The following SPOCK1 variants were observed in gnomAD, a reference collection of about 807,000 sequenced individuals.
SPOCK1 encodes SPARC (osteonectin), cwcv and kazal like domains proteoglycan 1.
Under a neutral mutation model 55.3 loss-of-function variants are expected in SPOCK1, and 23 were observed. The observed-to-expected ratio is 0.42, with a 90% CI of 0.30 to 0.59. The LOEUF (loss-of-function observed/expected upper bound fraction) is 0.59, where lower values mean the gene tolerates loss of function less well. SPOCK1 is among the 20% of genes least tolerant of loss of function. The probability of loss-of-function intolerance (pLI) is 0.22; values close to 1 mark genes in which losing one functional copy is unlikely to be tolerated. For missense variants in SPOCK1, 499 were observed against 552.5 expected, an observed-to-expected ratio of 0.90 and a Z score of 0.97; for synonymous variants, 226 against 221.0, an observed-to-expected ratio of 1.02 and a Z score of -0.20.
intron 2 of SPOCK1, among the ~76,000 whole-genome samples, chr5:137,332,319 T>TGTTTGGTCTGGA (rs1758202139): frequency 6.6e-6 from 1 of 152,146 alleles, no homozygotes; most frequent in Non-Finnish European, 1.5e-5. Flanking sequence ...ACTCCAGCCC[T>TGTTTGGTCTGGA]GTTTGGTGCC....
chr5:136,980,043 AAGCT>A (rs1388159962), intron 9 of SPOCK1, among the ~76,000 whole-genome samples: 2 of 152,216 alleles, frequency 1.3e-5, no homozygotes, highest in African/African-American at 4.8e-5. Flanking sequence ...ATATGGTTCC[AAGCT>A]ATTCCTTGTC....
chr5:137,347,626 G>A (rs905212459), intron 2 of SPOCK1, among the ~76,000 whole-genome samples: 2 of 152,140 alleles, frequency 1.3e-5, no homozygotes, highest in African/African-American at 4.8e-5. Context: ...TGAGGCAAGA[G>A]GATCACTTAG....
chr5:137,160,586 A>ATAAT (rs1561631704), intron 3 of SPOCK1, among the ~76,000 whole-genome samples: 2 of 41,644 alleles, frequency 4.8e-5, no homozygotes, highest in Non-Finnish European at 8.7e-5. Flanking sequence ...TAATATATAT[A>ATAAT]ATATATAATA....
intron 2 of SPOCK1, among the ~76,000 whole-genome samples, chr5:137,472,036 T>C (rs2149839822): frequency 1.3e-5 from 2 of 152,256 alleles, no homozygotes; most frequent in Middle Eastern, 3.4e-3. Context: ...AGTCACAAAC[T>C]GTTCTTCCAG....
chr5:137,427,321 T>C (rs930409176), intron 2 of SPOCK1, among the ~76,000 whole-genome samples: 1 of 152,190 alleles, frequency 6.6e-6, no homozygotes, highest in Non-Finnish European at 1.5e-5. Context: ...TTGATACTTT[T>C]ATGCTTGGGC....
intron 6 of SPOCK1, among the ~76,000 whole-genome samples, chr5:137,033,238 C>A (rs1424782575): frequency 6.6e-6 from 1 of 152,176 alleles, no homozygotes; most frequent in Non-Finnish European, 1.5e-5. Flanking sequence ...CTGCAGCCTG[C>A]AGTGTGGGAA....
At chr5:137,422,166 C>T (rs761408854) in intron 2 of SPOCK1, among the ~76,000 whole-genome samples, 12 of 152,330 alleles carry the variant, frequency 7.9e-5, no homozygotes, top group Non-Finnish European at 1.5e-4. Context: ...CCGAGAGATA[C>T]GCTGTTAGTC....
At position 137,392,248 on chromosome 5, in the gene SPOCK1, G is replaced by A. The variant is rs532242368; in HGVS notation, c.186+106125C>T. 5.3e-5 allele frequency among the ~76,000 whole-genome samples: 8 copies of A among 152,106 alleles called. No individual in the cohort carries two copies. In the South Asian group the frequency reaches 1.2e-3, roughly 24 times the overall value. Reference sequence around the variant, plus strand: ...TATTTCCCAGATCCCCCAAGTCCACGGCTTTACCACTGCTTGCACCCACAG... The same window carrying A: ...TATTTCCCAGATCCCCCAAGTCCACAGCTTTACCACTGCTTGCACCCACAG... On this transcript the variant is annotated intron_variant, in intron 2 of 10. Transcript: ENST00000394945.
intron 6 of SPOCK1, among the ~76,000 whole-genome samples, chr5:137,050,891 G>A (rs992509490): frequency 4.6e-5 from 7 of 152,196 alleles, no homozygotes; most frequent in Non-Finnish European, 8.8e-5. Context: ...AAATACTCCC[G>A]TATTCTGAAA....
chr5:137,050,502 C>T lies in SPOCK1; in HGVS notation c.589+17213G>A, dbSNP rs572464673. ...CAATGCCTCGCCCTGCTTCGGCTCG[C>T]GCACGGTGCGCGCACCCACTGGCCT... On this transcript the variant is annotated intron_variant, in intron 6 of 10. Transcript: ENST00000394945. 7.2e-4 allele frequency among the ~76,000 whole-genome samples: 108 copies of T among 150,482 alleles called. 1 individual carries two copies. Among genetic ancestry groups the T allele is most frequent in the Admixed American group, 5.2e-3 (79 of 15,152 alleles).
intron 2 of SPOCK1, among the ~76,000 whole-genome samples, chr5:137,282,770 T>C (rs572472718): frequency 3.9e-5 from 6 of 152,312 alleles, no homozygotes; most frequent in African/African-American, 1.4e-4. Context: ...TGGTATCATC[T>C]ACTTTTGACT....
intron 2 of SPOCK1, among the ~76,000 whole-genome samples, chr5:137,421,393 G>C (rs961391803): frequency 6.6e-6 from 1 of 152,174 alleles, no homozygotes; most frequent in Non-Finnish European, 1.5e-5. Flanking sequence ...TGTTGACAGT[G>C]GGGTGTTAAA....
intron 3 of SPOCK1, among the ~76,000 whole-genome samples, chr5:137,178,608 G>A (rs1013878043): frequency 4.6e-5 from 7 of 152,168 alleles, no homozygotes; most frequent in East Asian, 3.9e-4. Context: ...CAGAGTCTGC[G>A]GGGGAAGAAG....
intron 3 of SPOCK1, among the ~76,000 whole-genome samples, chr5:137,241,967 T>C (rs369510993): frequency 5.2e-4 from 79 of 152,270 alleles, no homozygotes; most frequent in African/African-American, 1.5e-3. Flanking sequence ...ATGACATACA[T>C]ACAAAATTAT....
In SPOCK1 at chr5:137,311,619, T is replaced by G. The variant is rs554134678; in HGVS notation, c.187-44564A>C. Among the ~76,000 whole-genome samples the G allele has an allele frequency of 2.0e-5, 3 of 152,348 alleles. No individual in the cohort carries two copies. In the South Asian group the frequency reaches 6.2e-4, roughly 32 times the overall value. ...CTTCAGTCTAATCTTTACACACACA[T>G]AAGCACATGTGTACACTTTTATTGA... On this transcript the variant is annotated intron_variant, in intron 2 of 10. Coordinates refer to ENST00000394945, the MANE Select transcript of SPOCK1 (RefSeq NM_004598.4).
At chr5:137,031,085 A>C (rs1002910595) in intron 6 of SPOCK1, among the ~76,000 whole-genome samples, 2 of 152,196 alleles carry the variant, frequency 1.3e-5, no homozygotes, top group African/African-American at 2.4e-5. Context: ...ATTTTTTTAA[A>C]TAGCATTTAA....
At chr5:137,132,012 A>G (rs1208265619) in intron 4 of SPOCK1, among the ~76,000 whole-genome samples, 1 of 98,092 alleles carries the variant, frequency 1.0e-5, no homozygotes, top group Non-Finnish European at 2.0e-5. Context: ...ATATATATAT[A>G]TATATATAAA....
chr5:137,304,315 C>A (rs924105768), intron 2 of SPOCK1, among the ~76,000 whole-genome samples: 1 of 151,962 alleles, frequency 6.6e-6, no homozygotes, highest in Admixed American at 6.6e-5. Flanking sequence ...AGCACCTGAC[C>A]GAGGCCCTGG....
chr5:137,282,822 C>T (rs932385025), intron 2 of SPOCK1, among the ~76,000 whole-genome samples: 10 of 152,132 alleles, frequency 6.6e-5, no homozygotes, highest in African/African-American at 2.2e-4. Flanking sequence ...AGGAGAAAAC[C>T]CAGAAATACT....
Sources: gnomAD v4.1 joint callset for allele counts (sites outside exome capture counted in the v4.1 genomes callset) on GRCh38, gnomAD v4.1.1 for gene constraint, MANE v1.5 for transcripts, NCBI Gene and HGNC (gene_info 2026-07-23, HGNC 2026-07-21) for gene names.